The following GPR149 variants were observed in gnomAD, a reference collection of about 807,000 sequenced individuals.
GPR149 encodes G protein-coupled receptor 149.
GPR149 carries 50 observed loss-of-function variants against 50.2 expected under a neutral mutation model. That is an observed-to-expected ratio of 1.00 (90% CI 0.79 to 1.26). The LOEUF (loss-of-function observed/expected upper bound fraction) is 1.26, where lower values mean the gene tolerates loss of function less well. Ranked by LOEUF, GPR149 falls within the 50% of genes most tolerant of loss-of-function variation. The pLI is 0.00. For synonymous variants in GPR149, 405 were observed against 358.2 expected, an observed-to-expected ratio of 1.13 and a Z score of -1.48; for missense variants, 983 against 895.4, an observed-to-expected ratio of 1.10 and a Z score of -1.25.
chr3:154,346,658 G>A (rs894286725), intron 3 of GPR149, among the ~76,000 whole-genome samples: 14 of 151,052 alleles, frequency 9.3e-5, no homozygotes, highest in African/African-American at 3.4e-4. Flanking sequence ...TGGAGTGAGT[G>A]GCACAATCTT....
chr3:154,406,507 A>T (rs910306350), intron 3 of GPR149, among the ~76,000 whole-genome samples: 3 of 152,224 alleles, frequency 2.0e-5, no homozygotes, highest in Non-Finnish European at 4.4e-5. Context: ...AAATATTGGA[A>T]ACAAGCTACA....
intron 3 of GPR149, among the ~76,000 whole-genome samples, chr3:154,418,845 A>T (rs1016356870): frequency 3.3e-5 from 5 of 152,018 alleles, no homozygotes; most frequent in Non-Finnish European, 4.4e-5. Context: ...TCACTATTCA[A>T]CTTTGACTTT....
At chr3:154,419,115 C>A (rs1330984152) in intron 3 of GPR149, among the ~76,000 whole-genome samples, 1 of 152,006 alleles carries the variant, frequency 6.6e-6, no homozygotes, top group African/African-American at 2.4e-5. Context: ...GCGACCATTT[C>A]AGAGAAGTTT....
intron 3 of GPR149, among the ~76,000 whole-genome samples, chr3:154,408,886 C>T (rs548478555): frequency 6.6e-6 from 1 of 152,378 alleles, no homozygotes; most frequent in African/African-American, 2.4e-5. Flanking sequence ...CTGATGCACT[C>T]TTGAAAGTGT....
Position 154,336,346 on chromosome 3 carries a change from A to G in GPR149, c.*1353T>C, listed in dbSNP as rs939318094. 1.3e-5 allele frequency: 2 copies of G among 152,152 alleles called. No individual in the cohort carries two copies. The highest frequency in any genetic ancestry group is 3.9e-4 in the East Asian group (2 of 5,192). The allele number at this position is 152,152 out of a possible 1,614,324, so 9.4% of individuals were successfully genotyped here. On this transcript the variant is annotated 3_prime_UTR_variant, in exon 4 of 4. Transcript: ENST00000389740. ...AATAAAACAGAAACCAAAATAAATC[A>G]TTCTAAAACACAATTCATTCAATCT...
intron 3 of GPR149, among the ~76,000 whole-genome samples, chr3:154,381,048 T>C (rs760999259): frequency 1.3e-5 from 2 of 152,218 alleles, no homozygotes; most frequent in African/African-American, 4.8e-5. Context: ...AATTAGTCTA[T>C]ATGAAACAGG....
chr3:154,426,282 T>G (rs1014676544), intron 2 of GPR149, among the ~76,000 whole-genome samples: 9 of 152,194 alleles, frequency 5.9e-5, no homozygotes. Flanking sequence ...TCTGGTAATT[T>G]GAAAAATATC....
intron 3 of GPR149, among the ~76,000 whole-genome samples, chr3:154,387,174 C>T (rs566610099): frequency 3.3e-5 from 5 of 152,304 alleles, no homozygotes; most frequent in African/African-American, 1.2e-4. Context: ...CACTCTCTTC[C>T]TCCCACCTTT....
At chr3:154,339,198 A>G (rs1269697230) in intron 3 of GPR149, among the ~76,000 whole-genome samples, 2 of 152,182 alleles carry the variant, frequency 1.3e-5, no homozygotes, top group Non-Finnish European at 2.9e-5. Context: ...AACTTGTCAG[A>G]AATACAGGTT....
chr3:154,377,167 G>A (rs1714812409), intron 3 of GPR149, among the ~76,000 whole-genome samples: 1 of 151,206 alleles, frequency 6.6e-6, no homozygotes, highest in African/African-American at 2.4e-5. Context: ...TAATTTTAAA[G>A]TAAATCGAAT....
At position 154,429,687 on chromosome 3, in the gene GPR149, G is replaced by A. The variant is rs111548192; in HGVS notation, c.-72C>T. ...TTTCTCAAAAGAAAGACCGGCTGCTGCAAATCAGATTTCATTCCTCCTACC... is the reference window on the plus strand; with the variant it reads ...TTTCTCAAAAGAAAGACCGGCTGCTACAAATCAGATTTCATTCCTCCTACC... On this transcript the variant is annotated 5_prime_UTR_variant, in exon 1 of 4. The change creates a premature stop within an existing upstream ORF in the 5' untranslated region. Coordinates refer to ENST00000389740, the MANE Select transcript of GPR149 (RefSeq NM_001038705.3). 6,427 of 1,351,756 alleles carry A rather than the reference G, an allele frequency of 4.8e-3. 227 individuals are homozygous for A. The African/African-American group carries it at 0.083, about 17-fold the overall frequency. The allele number at this position is 1,351,756 out of a possible 1,614,324, so 83.7% of individuals were successfully genotyped here. A position where few individuals can be genotyped will look rare whatever the true frequency, so the allele number is the denominator to read the frequency against.
At chr3:154,349,539 A>T (rs905318286) in intron 3 of GPR149, among the ~76,000 whole-genome samples, 2 of 152,214 alleles carry the variant, frequency 1.3e-5, no homozygotes, top group Admixed American at 1.3e-4. Context: ...CAATGTGCCA[A>T]ATGCGAAATA....
chr3:154,351,811 G>A (rs7641309), intron 3 of GPR149, among the ~76,000 whole-genome samples: 21,049 of 151,934 alleles, frequency 0.14, 1,911 homozygotes, highest in East Asian at 0.39. Flanking sequence ...TCAGTGGAAG[G>A]AATAATAGAA....
intron 3 of GPR149, among the ~76,000 whole-genome samples, chr3:154,416,017 A>T (rs982628810): frequency 6.6e-6 from 1 of 151,928 alleles, no homozygotes; most frequent in African/African-American, 2.4e-5. Context: ...GAAATTACTC[A>T]GAGACAAGTT....
At chr3:154,420,065 G>A (rs73872860) in intron 3 of GPR149, among the ~76,000 whole-genome samples, 5,012 of 151,956 alleles carry the variant, frequency 0.033, 276 homozygotes, top group African/African-American at 0.11. Flanking sequence ...TGAGAATAAA[G>A]AAAATCTCAA....
At position 154,429,469 on chromosome 3, in the gene GPR149, C is replaced by A. The variant is rs1178638187; in HGVS notation, c.147G>T (p.Val49=). 2 of 1,614,104 alleles carry A rather than the reference C, an allele frequency of 1.2e-6. No homozygotes were observed. The highest frequency in any genetic ancestry group is 1.7e-6 in the Non-Finnish European group (2 of 1,180,006). ...GGGAAATTAGTGAATAAATGCTGCC[C>A]ACCAAGGCTGCAAAAGTCATGAGAC... is the stretch of plus-strand genomic sequence containing the variant. ...LTCLMTFAAL[V]GSIYSLISLL... Residue 49 remains valine (V), a synonymous_variant, in exon 1 of 4, where the codon GTG becomes GTT. Coordinates refer to ENST00000389740, the MANE Select transcript of GPR149 (RefSeq NM_001038705.3).
chr3:154,347,063 T>C (rs890421191), intron 3 of GPR149, among the ~76,000 whole-genome samples: 2 of 152,174 alleles, frequency 1.3e-5, no homozygotes, highest in Non-Finnish European at 1.5e-5. Flanking sequence ...ACAACAACCT[T>C]ATAAAATAGA....
intron 3 of GPR149, among the ~76,000 whole-genome samples, chr3:154,347,154 G>C (rs1181221772): frequency 1.3e-5 from 2 of 152,204 alleles, no homozygotes; most frequent in Non-Finnish European, 2.9e-5. Flanking sequence ...TATATATGAA[G>C]TGTGTACTAT....
chr3:154,393,085 G>A (rs1331216669), intron 3 of GPR149, among the ~76,000 whole-genome samples: 2 of 151,952 alleles, frequency 1.3e-5, no homozygotes, highest in African/African-American at 4.8e-5. Context: ...GATTTTATGA[G>A]GCCAGTGTTG....
Sources: gnomAD v4.1 joint callset for allele counts (sites outside exome capture counted in the v4.1 genomes callset) on GRCh38, gnomAD v4.1.1 for gene constraint, MANE v1.5 for transcripts, NCBI Gene and HGNC (gene_info 2026-07-23, HGNC 2026-07-21) for gene names.